The following ERBB4 variants were observed in gnomAD, a reference collection of about 807,000 sequenced individuals.
ERBB4 encodes the protein erb-b2 receptor tyrosine kinase 4, also known as receptor tyrosine-protein kinase erbB-4.
Under a neutral mutation model 158.0 loss-of-function variants are expected in ERBB4, and 42 were observed. The observed-to-expected ratio is 0.27, with a 90% CI of 0.21 to 0.34. The LOEUF is 0.34. Ranked by LOEUF, ERBB4 falls within the 10% of genes least tolerant of loss-of-function variation. The pLI, the probability that ERBB4 is intolerant of heterozygous loss-of-function variation, is 1.00. For synonymous variants in ERBB4, 583 were observed against 558.7 expected (o/e 1.04, Z -0.61); for missense variants, 1,333 against 1,624.1 (o/e 0.82, Z 3.08).
At chr2:212,064,326 T>G (rs1052244561) in intron 2 of ERBB4, among the ~76,000 whole-genome samples, 1 of 152,128 alleles carries the variant, frequency 6.6e-6, no homozygotes, top group African/African-American at 2.4e-5. Flanking sequence ...AATACATGGA[T>G]GCCATGCTAA....
chr2:211,679,944 T>C (rs1309680714), intron 12 of ERBB4, among the ~76,000 whole-genome samples: 1 of 152,200 alleles, frequency 6.6e-6, no homozygotes, highest in Non-Finnish European at 1.5e-5. Context: ...CCTCCCAAAG[T>C]GCTGGGATTA....
chr2:211,626,150 C>A (rs1442563066), intron 17 of ERBB4, among the ~76,000 whole-genome samples: 1 of 152,094 alleles, frequency 6.6e-6, no homozygotes, highest in African/African-American at 2.4e-5. Context: ...AATGAGATAA[C>A]ATATGTGGAA....
At chr2:211,613,005 TGAGAA>T (rs1263502461) in intron 19 of ERBB4, among the ~76,000 whole-genome samples, 7 of 151,898 alleles carry the variant, frequency 4.6e-5, no homozygotes, top group African/African-American at 7.3e-5. Flanking sequence ...CAGAAGAGAT[TGAGAA>T]GAGTGGATGA....
At chr2:212,120,310 C>T (rs73987236) in intron 2 of ERBB4, among the ~76,000 whole-genome samples, 2,133 of 152,210 alleles carry the variant, frequency 0.014, 61 homozygotes, top group African/African-American at 0.049. Flanking sequence ...TCCAAATCCT[C>T]ATGGGAAGGG....
intron 1 of ERBB4, among the ~76,000 whole-genome samples, chr2:212,480,370 A>G (rs759626225): frequency 8.5e-5 from 13 of 152,188 alleles, no homozygotes; most frequent in Non-Finnish European, 1.5e-4. Context: ...AGGAAAGAGG[A>G]GCAAAAGAAA....
Position 211,543,843 on chromosome 2 carries a change from T to TA in ERBB4, c.2487+18059dup, listed in dbSNP as rs781245393. On this transcript the variant is annotated intron_variant, in intron 20 of 27. Transcript: ENST00000342788. The stretch of plus-strand genomic sequence containing the variant: ...AGCCAGTCTTTTGGGAAATGCAAGT[T>TA]AAAAAAAAAAAAGAAAAAGAAAAAG... 4.9e-3 allele frequency among the ~76,000 whole-genome samples: 699 copies of TA among 141,488 alleles called. 5 individuals are homozygous for TA. Among genetic ancestry groups the TA allele is most frequent in the African/African-American group, 0.013 (521 of 38,648 alleles). The allele number at this position is 141,488 out of a possible 152,430, so 92.8% of individuals were successfully genotyped here.
At chr2:212,470,957 C>G (rs528750465) in intron 1 of ERBB4, among the ~76,000 whole-genome samples, 1 of 152,088 alleles carries the variant, frequency 6.6e-6, no homozygotes, top group African/African-American at 2.4e-5. Context: ...AATACTCTTT[C>G]CTACAACTAA....
chr2:212,083,840 G>T (rs1575609465), intron 2 of ERBB4, among the ~76,000 whole-genome samples: 1 of 150,716 alleles, frequency 6.6e-6, no homozygotes, highest in African/African-American at 2.4e-5. Context: ...TTTCTGTATG[G>T]TATCCCAAAC....
chr2:211,478,078 C>G (rs1472904151), intron 20 of ERBB4, among the ~76,000 whole-genome samples: 1 of 152,098 alleles, frequency 6.6e-6, no homozygotes, highest in African/African-American at 2.4e-5. Flanking sequence ...ATCTGCTGTC[C>G]AGTTTCTGCA....
At chr2:212,050,232 C>G (rs867880653) in intron 2 of ERBB4, among the ~76,000 whole-genome samples, 1 of 151,962 alleles carries the variant, frequency 6.6e-6, no homozygotes, top group Non-Finnish European at 1.5e-5. Context: ...CTCAGGTAAT[C>G]GTATCAGAAA....
At chr2:212,144,280 A>G (rs2080589186) in intron 1 of ERBB4, among the ~76,000 whole-genome samples, 1 of 152,164 alleles carries the variant, frequency 6.6e-6, no homozygotes, top group East Asian at 1.9e-4. Flanking sequence ...TTCTTCATTA[A>G]CCATTGAATG....
intron 3 of ERBB4, among the ~76,000 whole-genome samples, chr2:211,911,825 T>TC (rs1312639287): frequency 3.3e-5 from 5 of 151,114 alleles, no homozygotes; most frequent in African/African-American, 1.2e-4. Flanking sequence ...TCTTTTCTTT[T>TC]TTTTTTTTTT....
intron 2 of ERBB4, among the ~76,000 whole-genome samples, chr2:211,964,654 G>C (rs1225110943): frequency 2.6e-5 from 4 of 152,048 alleles, no homozygotes; most frequent in Admixed American, 2.6e-4. Context: ...CTGACACACA[G>C]AAATAAAACT....
intron 3 of ERBB4, among the ~76,000 whole-genome samples, chr2:211,833,695 T>C (rs540547277): frequency 6.6e-6 from 1 of 152,072 alleles, no homozygotes; most frequent in Non-Finnish European, 1.5e-5. Flanking sequence ...TTCACTTCCA[T>C]TAATTTTATG....
At chr2:212,307,718 G>A in intron 1 of ERBB4, among the ~76,000 whole-genome samples, 1 of 151,180 alleles carries the variant, frequency 6.6e-6, no homozygotes, top group East Asian at 2.0e-4. Context: ...ATATGAGATT[G>A]AGATCACAGT....
chr2:211,432,291 A>T (rs1287922194), intron 20 of ERBB4, among the ~76,000 whole-genome samples: 1 of 152,246 alleles, frequency 6.6e-6, no homozygotes, highest in Non-Finnish European at 1.5e-5. Flanking sequence ...CATAAATCAC[A>T]CAGGTCAAAA....
rs188430134 is a variant in ERBB4 at position 211,857,983 on chromosome 2, T to C, written c.422-69824A>G. On this transcript the variant is annotated intron_variant, in intron 3 of 27. Coordinates refer to ENST00000342788, the MANE Select transcript of ERBB4 (RefSeq NM_005235.3). ...GATCTGAGAAGTTATTATTAATAGA[T>C]GGCACGATGAATGTAAGCGTGCTTC... Among the ~76,000 whole-genome samples, 538 of 152,344 alleles carry C rather than the reference T, an allele frequency of 3.5e-3. 3 individuals carry two copies. Among genetic ancestry groups the C allele is most frequent in the African/African-American group, 0.012 (514 of 41,584 alleles).
chr2:212,530,175 T>TG (rs35269142), intron 1 of ERBB4, among the ~76,000 whole-genome samples: 25,630 of 152,000 alleles, frequency 0.17, 2,265 homozygotes, highest in African/African-American at 0.23. Flanking sequence ...AAGAGGATCT[T>TG]GCAATAACCC....
At chr2:211,657,104 T>C (rs573262324) in intron 16 of ERBB4, among the ~76,000 whole-genome samples, 1 of 152,300 alleles carries the variant, frequency 6.6e-6, no homozygotes, top group South Asian at 2.1e-4. Flanking sequence ...AATAAACTTC[T>C]GCAAATTCCT....
Sources: allele counts gnomAD v4.1 joint callset (sites outside exome capture counted in the v4.1 genomes callset), GRCh38; gene constraint gnomAD v4.1.1; transcripts MANE v1.5; gene names NCBI Gene and HGNC (gene_info 2026-07-23, HGNC 2026-07-21).